The following GOLGA3 variants were observed in gnomAD, a reference collection of about 807,000 sequenced individuals.
GOLGA3 encodes the protein golgin subfamily A member 3.
GOLGA3 carries 75 observed loss-of-function variants against 169.4 expected under a neutral mutation model. That is an observed-to-expected ratio of 0.44 (90% CI 0.37 to 0.54). The LOEUF (loss-of-function observed/expected upper bound fraction) is 0.54, where lower values mean the gene tolerates loss of function less well. GOLGA3 is among the 20% of genes least tolerant of loss of function. GOLGA3 has a pLI of 0.00. For missense variants in GOLGA3, 1,899 were observed against 1,930.0 expected, an observed-to-expected ratio of 0.98 and a Z score of 0.30; for synonymous variants, 824 against 822.4, an observed-to-expected ratio of 1.00 and a Z score of -0.03.
intron 11 of GOLGA3, among the ~76,000 whole-genome samples, chr12:132,792,750 C>T: frequency 7.6e-6 from 1 of 132,224 alleles, no homozygotes; most frequent in Non-Finnish European, 1.6e-5. Context: ...ACTCGGAGGG[C>T]TCCACACGGA....
chr12:132,793,743 C>T (rs1285680512), intron 11 of GOLGA3, among the ~76,000 whole-genome samples: 6 of 152,080 alleles, frequency 3.9e-5, no homozygotes. Context: ...GATCTGCACT[C>T]GGAGGGCTCC....
intron 1 of GOLGA3, among the ~76,000 whole-genome samples, chr12:132,827,455 A>G (rs2136854706): frequency 6.6e-6 from 1 of 152,338 alleles, no homozygotes; most frequent in South Asian, 2.1e-4. Flanking sequence ...CAGTAAAACA[A>G]TGAGAAAATG....
Position 132,796,103 on chromosome 12 carries a change from G to A in GOLGA3, c.2218C>T (p.Leu740Phe). ...TCGTAGTGTGTCTGCAGGGCATCGA[G>A]GGACTGCTCCCTGCTCTGCAGAGCC... ...QEALQSREQS[L>F]DALQTHYDEL... Residue 740 changes from leucine to phenylalanine, a missense_variant, in exon 11 of 24, where the codon CTC (leucine) becomes TTC (phenylalanine). Physicochemically the swap from Leu to Phe is conservative, Grantham distance 22. Transcript: ENST00000450791. 1 of 1,613,114 alleles carries A rather than the reference G, an allele frequency of 6.2e-7. No individual in the cohort carries two copies. The highest frequency in any genetic ancestry group is 2.2e-5 in the East Asian group (1 of 44,872).
At position 132,783,972 on chromosome 12, in the gene GOLGA3, T is replaced by A; in HGVS notation, c.3267+192A>T. 6.1e-6 allele frequency: 9 copies of A among 1,471,348 alleles called. No homozygotes were observed. The South Asian group carries it at 1.2e-4, about 20-fold the overall frequency. The allele number at this position is 1,471,348 out of a possible 1,614,324, so 91.1% of individuals were successfully genotyped here. On this transcript the variant is annotated intron_variant, in intron 16 of 23. Transcript: ENST00000450791. The stretch of plus-strand genomic sequence containing the variant: ...CACCAAAGAGGCTGTACAGTGATCC[T>A]CCCCAGAGGGCTGGAATCAGGGCCT...
chr12:132,784,020 C>T (rs1436706144), intron 16 of GOLGA3, 144 bp downstream of exon 16: 14 of 1,516,738 alleles, frequency 9.2e-6, no homozygotes, highest in African/African-American at 4.1e-5. Flanking sequence ...AGCCAGAGGC[C>T]GACGGTCAGA....
intron 6 of GOLGA3, 122 bp from the exon 7 acceptor site, chr12:132,805,144 C>G (rs1025868167): frequency 4.4e-6 from 5 of 1,128,658 alleles, no homozygotes; most frequent in African/African-American, 1.6e-5. Context: ...GACCCCCAGG[C>G]GCTCTCCCAA....
In GOLGA3 at chr12:132,786,483, C is replaced by T; in HGVS notation, c.2979G>A (p.Lys993=). The part of the protein sequence containing the change: ...SDLTSAQKEM[K]TKHKAYENAV... ...CGTTCTCGTAGGCCTTATGTTTGGT[C>T]TTCATCTCCTTCTGGGCGCTGGTCA... Residue 993 remains lysine, a synonymous_variant, in exon 15 of 24, where the codon AAG becomes AAA. Transcript: ENST00000450791. The T allele has an allele frequency of 6.2e-7, 1 of 1,613,790 alleles. No individual in the cohort carries two copies. The highest frequency in any genetic ancestry group is 8.5e-7 in the Non-Finnish European group (1 of 1,179,966).
chr12:132,821,236 A>T (rs1419463271), intron 2 of GOLGA3, among the ~76,000 whole-genome samples: 2 of 147,976 alleles, frequency 1.4e-5, no homozygotes, highest in African/African-American at 5.0e-5. Context: ...GAGAAACCTC[A>T]TCTCTACTAA....
At chr12:132,789,419 C>T (rs905175003) in intron 12 of GOLGA3, 129 bp from the exon 13 acceptor site, 7 of 735,032 alleles carry the variant, frequency 9.5e-6, no homozygotes, top group Non-Finnish European at 1.5e-5. Context: ...GGTAAAGATA[C>T]ATTTCATCAA....
chr12:132,786,631 C>T, intron 14 of GOLGA3, 62 bp downstream of exon 14: 1 of 1,041,020 alleles, frequency 9.6e-7, no homozygotes, highest in Non-Finnish European at 1.3e-6. Flanking sequence ...GGTTCGCCTC[C>T]CCCCCGGCCC....
At position 132,791,466 on chromosome 12, in the gene GOLGA3, C is replaced by T. The variant is rs145731103; in HGVS notation, c.2470-173G>A. Among the ~76,000 whole-genome samples, 729 of 151,910 alleles carry T rather than the reference C, an allele frequency of 4.8e-3. 3 individuals carry two copies. The highest frequency in any genetic ancestry group is 0.017 in the African/African-American group (688 of 41,402). On this transcript the variant is annotated intron_variant, in intron 11 of 23. Coordinates refer to ENST00000450791, the MANE Select transcript of GOLGA3 (RefSeq NM_001389683.1). ...TTACACTGAGGGCTCCAGGAAAGGA[C>T]ACATCTGCAGAGATGTTTCACTGAG... is the stretch of plus-strand genomic sequence containing the variant.
At position 132,801,935 on chromosome 12, in the gene GOLGA3, C is replaced by G. The variant is rs2136532551; in HGVS notation, c.1632G>C (p.Gln544His). Reference sequence around the variant, plus strand: ...CCAGCTGCACCTGCTGAAGCTGGCTCTGCAAGGCTGTCATCTGCTGTCGCA... The same window carrying G: ...CCAGCTGCACCTGCTGAAGCTGGCTGTGCAAGGCTGTCATCTGCTGTCGCA... ...HDLRQQMTAL[Q>H]SQLQQVQLER... Residue 544 changes from glutamine to histidine, a missense_variant, in exon 8 of 24, where the codon CAG (glutamine) becomes CAC (histidine). Coordinates refer to ENST00000450791, the MANE Select transcript of GOLGA3 (RefSeq NM_001389683.1). 6.2e-7 allele frequency: 1 copy of G among 1,600,786 alleles called. No homozygotes were observed. The highest frequency in any genetic ancestry group is 8.5e-7 in the Non-Finnish European group (1 of 1,179,586).
At chr12:132,820,172 G>A (rs1404712426) in intron 2 of GOLGA3, among the ~76,000 whole-genome samples, 5 of 149,834 alleles carry the variant, frequency 3.3e-5, no homozygotes, top group Admixed American at 2.7e-4. Context: ...GCAAAACTCC[G>A]TCTCAAAAAA....
chr12:132,829,026 T>G (rs1462239023), upstream of GOLGA3, among the ~76,000 whole-genome samples: 2 of 152,246 alleles, frequency 1.3e-5, no homozygotes, highest in Admixed American at 6.5e-5. Context: ...CACCTCCGAC[T>G]GTGATGAGGC....
chr12:132,783,922 T>G, intron 16 of GOLGA3: 2 of 1,434,060 alleles, frequency 1.4e-6, no homozygotes, highest in Non-Finnish European at 1.8e-6. Context: ...TGAGAAGGGT[T>G]CCACTATGAA....
intron 18 of GOLGA3, among the ~76,000 whole-genome samples, chr12:132,779,881 T>C (rs776004551): frequency 1.8e-4 from 12 of 66,740 alleles, no homozygotes; most frequent in South Asian, 7.6e-4. Flanking sequence ...GGCACACACG[T>C]GTGTACAGAC....
At chr12:132,803,767 G>A (rs766110915) in intron 7 of GOLGA3, among the ~76,000 whole-genome samples, 3 of 152,100 alleles carry the variant, frequency 2.0e-5, no homozygotes, top group African/African-American at 2.4e-5. Flanking sequence ...CCTCATAGGC[G>A]GACCGGCTCA....
At chr12:132,818,127 A>G (rs1342059510) in intron 2 of GOLGA3, among the ~76,000 whole-genome samples, 2 of 145,456 alleles carry the variant, frequency 1.4e-5, no homozygotes, top group Non-Finnish European at 3.0e-5. Context: ...TCCATGCTCT[A>G]AGGTGAACCC....
chr12:132,823,447 C>A (rs1018878485), intron 1 of GOLGA3, among the ~76,000 whole-genome samples: 1 of 152,222 alleles, frequency 6.6e-6, no homozygotes, highest in Non-Finnish European at 1.5e-5. Flanking sequence ...CATTACACAA[C>A]CTTCGCCTCT....
Sources: allele counts gnomAD v4.1 joint callset (sites outside exome capture counted in the v4.1 genomes callset), GRCh38; gene constraint gnomAD v4.1.1; transcripts MANE v1.5; gene names NCBI Gene and HGNC (gene_info 2026-07-23, HGNC 2026-07-21).